TTC12: variants seen among roughly 807,000 people sequenced by gnomAD.
TTC12 encodes the protein tetratricopeptide repeat domain 12, also known as tetratricopeptide repeat protein 12.
Under a neutral mutation model 90.1 loss-of-function variants are expected in TTC12, and 70 were observed. That is an observed-to-expected ratio of 0.78 (90% CI 0.64 to 0.95). The LOEUF (loss-of-function observed/expected upper bound fraction) is 0.95, where lower values mean the gene tolerates loss of function less well. Ranked by LOEUF, TTC12 falls within the 40% of genes least tolerant of loss-of-function variation. The pLI, the probability that TTC12 is intolerant of heterozygous loss-of-function variation, is 0.00. For missense variants in TTC12, 819 were observed against 846.1 expected, an observed-to-expected ratio of 0.97 and a Z score of 0.40; for synonymous variants, 296 against 311.5, an observed-to-expected ratio of 0.95 and a Z score of 0.53.
At chr11:113,359,827 C>T (rs1199818502) in intron 17 of TTC12, 113 bp from the exon 18 acceptor site, 4 of 762,366 alleles carry the variant, frequency 5.2e-6, no homozygotes, top group Non-Finnish European at 6.6e-6. Context: ...GTGAGGGAAC[C>T]TGGGCATAGT....
downstream of TTC12, chr11:113,369,021 T>A (rs1950302728): frequency 6.4e-6 from 1 of 155,124 alleles, no homozygotes; most frequent in South Asian, 2.0e-4. Context: ...GAAAACCCAT[T>A]TAGAGCTGAC....
At chr11:113,367,713 T>C (rs1396146331), downstream of TTC12, among the ~76,000 whole-genome samples, 1 of 82,228 alleles carries the variant, frequency 1.2e-5, no homozygotes, top group Admixed American at 1.0e-4. Context: ...TAATTGGCAT[T>C]TGGTGACGGG....
intron 21 of TTC12, 75 bp downstream of exon 21, chr11:113,365,135 G>T: frequency 2.2e-6 from 3 of 1,362,516 alleles, no homozygotes; most frequent in Non-Finnish European, 2.1e-6. Context: ...GTTTTGGCTG[G>T]GACTGCATGC....
chr11:113,343,104 G>A (rs997715516), intron 12 of TTC12, among the ~76,000 whole-genome samples: 9 of 152,228 alleles, frequency 5.9e-5, no homozygotes, highest in Admixed American at 1.3e-4. Flanking sequence ...TTTTCAGAAG[G>A]GCAAGGGAAT....
rs1306692594 is a variant in TTC12, at chr11:113,314,591, A to T, written c.-43A>T. 1.3e-5 allele frequency: 2 copies of T among 152,822 alleles called. No homozygotes were observed. The highest frequency in any genetic ancestry group is 2.4e-5 in the African/African-American group (1 of 41,354). 9.5% of individuals were successfully genotyped at this position (152,822 alleles called of 1,614,324 possible). ...CCCAGCCCAGGCAGGTCACTGCGCC[A>T]TTTCCTGTCCAAAGCTGGGCGAATC... On this transcript the variant is annotated 5_prime_UTR_variant, in exon 1 of 22. Transcript: ENST00000529221.
intron 10 of TTC12, 61 bp downstream of exon 10, chr11:113,339,535 G>T: frequency 6.8e-7 from 1 of 1,467,028 alleles, no homozygotes; most frequent in Non-Finnish European, 9.3e-7. Context: ...ACATTCAGAG[G>T]TCTGCCTTTA....
rs1948831908 is a variant in TTC12, at chr11:113,344,315, G to T, written c.1029G>T (p.Arg343Ser). 1 of 1,614,182 alleles carries T rather than the reference G, an allele frequency of 6.2e-7. No homozygotes were observed. Among genetic ancestry groups the T allele is most frequent in the East Asian group, 2.2e-5 (1 of 44,888 alleles). The change falls in exon 13 of 22, where the codon AGG (arginine) becomes AGT (serine). Residue 343 changes from arginine to serine, a missense_variant. Arg to Ser is a moderately radical substitution (Grantham distance 110). Transcript: ENST00000529221. ...TAGTGATACACCATGACAGGGCCAG[G>T]CTGTTGGCCGCCCTCTTGTCCTCCA... Reference protein sequence around the residue: ...RVLVIHHDRARLLAALLSSKV... With the variant: ...RVLVIHHDRASLLAALLSSKV...
At position 113,339,251 on chromosome 11, in the gene TTC12, G is replaced by A. The variant is rs1224453875; in HGVS notation, c.638-35G>A. Reference sequence around the variant, plus strand: ...TCTTGTGTGGTATTGTTGATTGTTAGGGTTTTGTTTTGCTTTCCTTTCTTG... The same window carrying A: ...TCTTGTGTGGTATTGTTGATTGTTAAGGTTTTGTTTTGCTTTCCTTTCTTG... On this transcript the variant is annotated intron_variant, in intron 9 of 21. Coordinates refer to ENST00000529221, the MANE Select transcript of TTC12 (RefSeq NM_017868.4). 6 of 1,557,130 alleles carry A rather than the reference G, an allele frequency of 3.9e-6. No homozygotes were observed. The African/African-American group carries it at 8.3e-5, about 22-fold the overall frequency.
At chr11:113,346,277 A>G (rs1273905903) in intron 13 of TTC12, among the ~76,000 whole-genome samples, 2 of 152,102 alleles carry the variant, frequency 1.3e-5, no homozygotes, top group African/African-American at 4.8e-5. Context: ...TAGCATGGAC[A>G]GGCCCCGGCA....
chr11:113,369,286 A>G (rs995141644), downstream of TTC12, among the ~76,000 whole-genome samples: 3 of 152,042 alleles, frequency 2.0e-5, no homozygotes, highest in Admixed American at 6.6e-5. Context: ...CCGTATCCCA[A>G]ATTTTCATAT....
In TTC12 at chr11:113,362,409, T is replaced by C; in HGVS notation, c.1623T>C (p.Ala541=). Residue 541 remains alanine, a synonymous_variant, in exon 19 of 22, where the codon GCT becomes GCC. Transcript: ENST00000529221. ...SQDGGILTRA[A]GVLSRTLSSS... is the part of the protein sequence containing the mutation. ...CTTTCTGCTGTACTCAGAGAGCTGC[T>C]GGTGTTCTGAGCCGGACCCTTTCTT... 3 of 1,612,356 alleles carry C rather than the reference T, an allele frequency of 1.9e-6. No homozygotes were observed. Among genetic ancestry groups the C allele is most frequent in the Non-Finnish European group, 2.5e-6 (3 of 1,178,360 alleles).
intron 13 of TTC12, 145 bp from the exon 14 acceptor site, chr11:113,349,928 C>A: frequency 9.0e-6 from 6 of 668,336 alleles, no homozygotes; most frequent in East Asian, 7.8e-5. Context: ...AGGAGCTAGG[C>A]TTCCTAGGAG....
At position 113,350,132 on chromosome 11, in the gene TTC12, T is replaced by C; in HGVS notation, c.1214T>C (p.Met405Thr). 1 of 1,613,962 alleles carries C rather than the reference T, an allele frequency of 6.2e-7. No individual in the cohort carries two copies. Among genetic ancestry groups the C allele is most frequent in the South Asian group, 1.1e-5 (1 of 91,080 alleles). ...TCGGATAAGGAGGCCAACACTGCTA[T>C]GGGACTGTTCACAGACTTGGCTCTG... The part of the protein sequence containing the change: ...DFSDKEANTA[M>T]GLFTDLALEE... Residue 405 changes from methionine to threonine, a missense_variant, in exon 14 of 22, where the codon ATG (methionine) becomes ACG (threonine). Physicochemically the swap from Met to Thr is moderately conservative, Grantham distance 81. Coordinates refer to ENST00000529221, the MANE Select transcript of TTC12 (RefSeq NM_017868.4).
chr11:113,345,006 T>G (rs1948870106), intron 13 of TTC12, among the ~76,000 whole-genome samples: 1 of 152,216 alleles, frequency 6.6e-6, no homozygotes, highest in African/African-American at 2.4e-5. Flanking sequence ...CCTTTATAAT[T>G]TATTAGTTTA....
chr11:113,324,324 C>A (rs1555140061), intron 4 of TTC12: 1 of 533,300 alleles, frequency 1.9e-6, no homozygotes, highest in Admixed American at 3.6e-5. Flanking sequence ...CTAAACGGAA[C>A]AAAAAAATCT....
chr11:113,329,258 C>T (rs1947879183), intron 6 of TTC12, among the ~76,000 whole-genome samples: 1 of 152,210 alleles, frequency 6.6e-6, no homozygotes, highest in African/African-American at 2.4e-5. Flanking sequence ...TGTATGAGAG[C>T]TCTAATTATC....
chr11:113,345,705 A>G (rs1483590745), intron 13 of TTC12, among the ~76,000 whole-genome samples: 2 of 152,342 alleles, frequency 1.3e-5, no homozygotes, highest in East Asian at 1.9e-4. Flanking sequence ...GTGGAGTTCA[A>G]TTCCCCAAAA....
rs1948570562 is a variant in TTC12 at position 113,339,553 on chromosome 11, A to C, written c.826+79A>C. 3.1e-6 allele frequency: 4 copies of C among 1,276,332 alleles called. No individual in the cohort carries two copies. The Admixed American group carries it at 8.9e-5, about 28-fold the overall frequency. The allele number at this position is 1,276,332 out of a possible 1,614,324, so 79.1% of individuals were successfully genotyped here. ...TTCAGAGGTCTGCCTTTACCAGGCC[A>C]AGAATCCCTCCCTTCCTTCCACAAA... On this transcript the variant is annotated intron_variant, in intron 10 of 21. Transcript: ENST00000529221.
rs568071756 is a variant in TTC12, at chr11:113,340,007, G to A, written c.826+533G>A. Among the ~76,000 whole-genome samples the A allele has an allele frequency of 1.1e-4, 17 of 152,264 alleles. No individual in the cohort carries two copies. The South Asian group carries it at 3.5e-3, about 32-fold the overall frequency. ...GTGGAGGAATGGAAGACAGAATTTT[G>A]TAGGTTAAACTGTAAGGTTCACCCA... is the stretch of plus-strand genomic sequence containing the variant. On this transcript the variant is annotated intron_variant, in intron 10 of 21. Coordinates refer to ENST00000529221, the MANE Select transcript of TTC12 (RefSeq NM_017868.4).
Sources: allele counts gnomAD v4.1 joint callset (sites outside exome capture counted in the v4.1 genomes callset), GRCh38; gene constraint gnomAD v4.1.1; transcripts MANE v1.5; gene names NCBI Gene and HGNC (gene_info 2026-07-23, HGNC 2026-07-21).